ARID5B: variants seen among roughly 807,000 people sequenced by gnomAD.
The protein encoded by ARID5B is AT-rich interactive domain-containing protein 5B.
ARID5B carries 13 observed loss-of-function variants against 97.2 expected under a neutral mutation model. That is an observed-to-expected ratio of 0.13 (90% confidence interval 0.09 to 0.21). ARID5B has a LOEUF of 0.21. Among genes scored for constraint, ARID5B ranks in the 10% least tolerant of loss-of-function variants. The probability of loss-of-function intolerance (pLI) is 1.00; values close to 1 mark genes in which losing one functional copy is unlikely to be tolerated. For synonymous variants in ARID5B, 556 were observed against 570.3 expected (o/e 0.97, Z 0.36); for missense variants, 1,210 against 1,465.3 (o/e 0.83, Z 2.84).
At chr10:62,020,639 G>A (rs1839343421) in intron 4 of ARID5B, among the ~76,000 whole-genome samples, 1 of 152,130 alleles carries the variant, frequency 6.6e-6, no homozygotes, top group South Asian at 2.1e-4. Context: ...TCCTGTCAGA[G>A]TTTTAAAATT....
Position 62,000,300 on chromosome 10 carries a change from G to A in ARID5B, c.712G>A (p.Glu238Lys), listed in dbSNP as rs963038555. The A allele has an allele frequency of 1.9e-6, 3 of 1,611,470 alleles. No homozygotes were observed. The highest frequency in any genetic ancestry group is 1.1e-5 in the South Asian group (1 of 90,720). Residue 238 changes from glutamate to lysine, a missense_variant, in exon 4 of 10, where the codon GAG (glutamate) becomes AAG (lysine). Physicochemically the swap from Glu to Lys is moderately conservative, Grantham distance 56 (BLOSUM62 1). Transcript: ENST00000279873. The surrounding 1 kb of genome is among the most constrained non-coding windows in gnomAD (Gnocchi z 4.4). Reference sequence around the variant, plus strand: ...TGACCACCCGACTCTCATAGAAAACGAGAGTATATGCGATGAGTTTGGTGA... The same window carrying A: ...TGACCACCCGACTCTCATAGAAAACAAGAGTATATGCGATGAGTTTGGTGA... ...TFDHPTLIEN[E>K]SICDEFAPNL...
At chr10:61,943,593 T>C (rs1409424796) in intron 3 of ARID5B, among the ~76,000 whole-genome samples, 1 of 152,006 alleles carries the variant, frequency 6.6e-6, no homozygotes, top group Non-Finnish European at 1.5e-5. Flanking sequence ...TGTTGAAACA[T>C]GAATAATAAC....
chr10:61,988,936 CT>C lies in ARID5B; in HGVS notation c.503-11138del, dbSNP rs61016394. Among the ~76,000 whole-genome samples, 134 of 122,240 alleles carry C rather than the reference CT, an allele frequency of 1.1e-3. 1 individual carries two copies. The highest frequency in any genetic ancestry group is 3.7e-3 in the African/African-American group (121 of 32,308). The allele number at this position is 122,240 out of a possible 152,430, so 80.2% of individuals were successfully genotyped here. On this transcript the variant is annotated intron_variant, in intron 3 of 9. Coordinates refer to ENST00000279873, the MANE Select transcript of ARID5B (RefSeq NM_032199.3). ...ACTAGTAATCTTTTTTTTTCTTTTA[CT>C]TTTTTTTTTTTTTTTTGAGTCTTGC...
Position 61,913,120 on chromosome 10 carries a change from G to A in ARID5B, c.276+10707G>A, listed in dbSNP as rs75897590. On this transcript the variant is annotated intron_variant, in intron 2 of 9. Transcript: ENST00000279873. ...AAATTTGCACTGTGGAAAAGACGCT[G>A]GTGATACAAGGCAAAAGGCAGACCA... Among the ~76,000 whole-genome samples, 27 of 152,288 alleles carry A rather than the reference G, an allele frequency of 1.8e-4. No homozygotes were observed. In the East Asian group the frequency reaches 5.2e-3, roughly 29 times the overall value.
chr10:62,093,163 GC>G lies in ARID5B; in HGVS notation c.*136del. 7.4e-7 allele frequency: 1 copy of G among 1,346,422 alleles called. No homozygotes were observed. Among genetic ancestry groups the G allele is most frequent in the Non-Finnish European group, 9.9e-7 (1 of 1,006,798 alleles). The allele number at this position is 1,346,422 out of a possible 1,614,324, so 83.4% of individuals were successfully genotyped here. On this transcript the variant is annotated 3_prime_UTR_variant, in exon 10 of 10. Coordinates refer to ENST00000279873, the MANE Select transcript of ARID5B (RefSeq NM_032199.3). ...GCTATGATCAGTCCCAGCTGTAGGG[GC>G]CCAGAGGGGAGGTGAACATGCCTGA...
chr10:62,085,623 A>G, intron 8 of ARID5B, 79 bp from the exon 9 acceptor site: 2 of 1,208,164 alleles, frequency 1.7e-6, no homozygotes, highest in Non-Finnish European at 2.4e-6. Context: ...TTATATTGAG[A>G]AAAGAAAGTA....
chr10:62,001,846 AT>A (rs1839083837), intron 4 of ARID5B, among the ~76,000 whole-genome samples: 1 of 152,224 alleles, frequency 6.6e-6, no homozygotes, highest in Non-Finnish European at 1.5e-5. Flanking sequence ...CTTCAAAGAA[AT>A]TTATTTATTG....
In ARID5B at chr10:62,091,225, A is replaced by G. The variant is rs747988567; in HGVS notation, c.1762A>G (p.Ser588Gly). The change falls in exon 10 of 10, where the codon AGT (serine) becomes GGT (glycine). Residue 588 changes from serine to glycine, a missense_variant. Transcript: ENST00000279873. Reference sequence around the variant, plus strand: ...GTGCTGTTTTACAGAGAGCCCTGAAAGTGAACCCCAAGAAGCATCCTTCCC... The same window carrying G: ...GTGCTGTTTTACAGAGAGCCCTGAAGGTGAACCCCAAGAAGCATCCTTCCC... The part of the protein sequence containing the change: ...KLCCFTESPE[S>G]EPQEASFPSF... The G allele has an allele frequency of 6.2e-7, 1 of 1,614,206 alleles. No homozygotes were observed. Among genetic ancestry groups the G allele is most frequent in the East Asian group, 2.2e-5 (1 of 44,882 alleles).
chr10:61,979,287 T>G (rs1365608746), intron 3 of ARID5B, among the ~76,000 whole-genome samples: 2 of 152,208 alleles, frequency 1.3e-5, no homozygotes, highest in South Asian at 4.1e-4. Flanking sequence ...AACAGTTATT[T>G]AAATACTTGT....
Position 62,057,238 on chromosome 10 carries a change from C to A in ARID5B, c.968C>A (p.Ala323Asp). ...GAAGAGTGCAGGGCAGATGAACAAGCCTTCTTGGTGGCACTTTATAAATAC... is the reference window on the plus strand; with the variant it reads ...GAAGAGTGCAGGGCAGATGAACAAGACTTCTTGGTGGCACTTTATAAATAC... ...IGEECRADEQ[A>D]FLVALYKYMK... Residue 323 changes from alanine (A) to aspartate (D), a missense_variant, in exon 6 of 10, where the codon GCC (alanine) becomes GAC (aspartate). This residue lies in a region of ARID5B where 59 missense variants were observed against 156.7 expected (regional missense o/e 0.38). Transcript: ENST00000279873. 1 of 1,613,752 alleles carries A rather than the reference C, an allele frequency of 6.2e-7. No homozygotes were observed. The highest frequency in any genetic ancestry group is 8.5e-7 in the Non-Finnish European group (1 of 1,179,760).
At chr10:62,046,844 C>A (rs148474467) in intron 4 of ARID5B, 3 of 152,240 alleles carry the variant, frequency 2.0e-5, no homozygotes, top group African/African-American at 7.2e-5. Context: ...GGGGACCCCA[C>A]TCGCTGTCAA....
At chr10:62,073,923 A>G (rs1840096529) in intron 8 of ARID5B, among the ~76,000 whole-genome samples, 1 of 152,244 alleles carries the variant, frequency 6.6e-6, no homozygotes, top group South Asian at 2.1e-4. Context: ...AAAAGTAACC[A>G]GTTCACTTTA....
At chr10:62,077,342 A>T (rs959148701) in intron 8 of ARID5B, among the ~76,000 whole-genome samples, 1 of 152,272 alleles carries the variant, frequency 6.6e-6, no homozygotes, top group African/African-American at 2.4e-5. Flanking sequence ...TTTCTATTTT[A>T]AAAAAATAAA....
intron 9 of ARID5B, 43 bp downstream of exon 9, chr10:62,085,943 G>T: frequency 6.3e-7 from 1 of 1,581,952 alleles, no homozygotes. Flanking sequence ...GAAGACATGT[G>T]CTGCCTCGAG....
intron 4 of ARID5B, among the ~76,000 whole-genome samples, chr10:62,001,962 C>G (rs1056040663): frequency 1.4e-4 from 22 of 152,162 alleles, no homozygotes; most frequent in Non-Finnish European, 3.1e-4. Flanking sequence ...TACAAATCTT[C>G]CCTTTTCAAT....
rs1163681085 is a variant in ARID5B, at chr10:62,092,794, G to C, written c.3331G>C (p.Val1111Leu). ...HSLQYLKNQTVLSPLMQPLAF... is the reference protein window; with the variant it reads ...HSLQYLKNQTLLSPLMQPLAF... ...TCTGCAGTACTTGAAAAACCAGACT[G>C]TGCTTTCTCCACTCATGCAGCCCCT... Residue 1111 changes from valine to leucine, a missense_variant, in exon 10 of 10, where the codon GTG becomes CTG. Coordinates refer to ENST00000279873, the MANE Select transcript of ARID5B (RefSeq NM_032199.3). 1.2e-6 allele frequency: 2 copies of C among 1,614,052 alleles called. No homozygotes were observed. Among genetic ancestry groups the C allele is most frequent in the East Asian group, 2.2e-5 (1 of 44,900 alleles).
At chr10:62,072,965 T>G (rs1840083943) in intron 8 of ARID5B, among the ~76,000 whole-genome samples, 1 of 152,232 alleles carries the variant, frequency 6.6e-6, no homozygotes, top group African/African-American at 2.4e-5. Flanking sequence ...CATTCATTCT[T>G]GCTAGTCACA....
At chr10:62,087,230 C>T (rs71508906) in intron 9 of ARID5B, among the ~76,000 whole-genome samples, 82 of 119,770 alleles carry the variant, frequency 6.8e-4, no homozygotes, top group African/African-American at 2.5e-3. Flanking sequence ...ACCCAGGAGG[C>T]GGAGCTTGCA....
intron 9 of ARID5B, among the ~76,000 whole-genome samples, chr10:62,089,631 G>A (rs1269209832): frequency 1.3e-5 from 2 of 150,062 alleles, no homozygotes; most frequent in African/African-American, 2.5e-5. Context: ...GGGTTCAAGC[G>A]ATTCTCCTGC....
Sources: allele counts gnomAD v4.1 joint callset (sites outside exome capture counted in the v4.1 genomes callset), GRCh38; gene constraint gnomAD v4.1.1; regional missense constraint gnomAD v4.1.1; non-coding constraint Gnocchi (gnomAD v3.1); transcripts MANE v1.5; gene names NCBI Gene and HGNC (gene_info 2026-07-23, HGNC 2026-07-21).